AXIN2: variants seen among roughly 807,000 people sequenced by gnomAD.
The protein encoded by AXIN2 is axin 2, also known as axin-2.
A neutral mutation model predicts 74.7 loss-of-function variants in AXIN2; 21 were observed. The ratio of observed to expected loss-of-function variants is 0.28; its 90% CI spans 0.20 to 0.40. AXIN2 has a LOEUF of 0.40. Ranked by LOEUF, AXIN2 falls within the 10% of genes least tolerant of loss-of-function variation. The probability of loss-of-function intolerance (pLI) is 1.00; values close to 1 mark genes in which losing one functional copy is unlikely to be tolerated. For missense variants in AXIN2, 1,144 were observed against 1,111.1 expected (o/e 1.03, Z -0.42); for synonymous variants, 532 against 454.9 (o/e 1.17, Z -2.16).
At position 65,558,207 on chromosome 17, in the gene AXIN2, G is replaced by A. The variant is rs878854730; in HGVS notation, c.414C>T (p.Tyr138=). ...LRVAKAIYKR[Y]IENNSIVSKQ... ...TGGAGACAATGCTGTTGTTCTCAAT[G>A]TACCTTTTGTAGATCGCTTTGGCTA... The change falls in exon 2 of 11, where the codon TAC becomes TAT. Residue 138 remains tyrosine (Y), a synonymous_variant. Transcript: ENST00000307078. 17 of 1,614,122 alleles carry A rather than the reference G, an allele frequency of 1.1e-5. No homozygotes were observed. Among genetic ancestry groups the A allele is most frequent in the Non-Finnish European group, 1.4e-5 (17 of 1,180,032 alleles).
At chr17:65,561,208 G>T (rs1202678344) in intron 1 of AXIN2, 7 of 148,940 alleles carry the variant, frequency 4.7e-5, no homozygotes, top group Middle Eastern at 3.2e-3. Context: ...CTTCAAAGGC[G>T]CGAGCCGAGC....
intron 4 of AXIN2, among the ~76,000 whole-genome samples, 160 bp downstream of exon 4, chr17:65,541,295 G>C (rs1436925942): frequency 1.3e-5 from 2 of 152,128 alleles, no homozygotes; most frequent in Admixed American, 1.3e-4. Flanking sequence ...ACCATGTAAT[G>C]CCTATTGTCC....
chr17:65,554,736 G>A (rs2044242532), intron 2 of AXIN2, among the ~76,000 whole-genome samples: 1 of 152,236 alleles, frequency 6.6e-6, no homozygotes, highest in Non-Finnish European at 1.5e-5. Context: ...GGCCAGAGCA[G>A]AGGGCCCAAT....
chr17:65,558,688 G>A lies in AXIN2; in HGVS notation c.-68C>T. 1 of 1,494,378 alleles carries A rather than the reference G, an allele frequency of 6.7e-7. No individual in the cohort carries two copies. Among genetic ancestry groups the A allele is most frequent in the Non-Finnish European group, 9.1e-7 (1 of 1,104,170 alleles). 92.6% of individuals were successfully genotyped at this position (1,494,378 alleles called of 1,614,324 possible). On this transcript the variant is annotated 5_prime_UTR_variant, in exon 2 of 11. Transcript: ENST00000307078. ...TCCAGTTCCTCTCAGCAATCGGCGT[G>A]GTCTCTCTGTCTCTCTCAAGTCAGC... is the stretch of plus-strand genomic sequence containing the variant.
At chr17:65,538,520 T>C (rs1367340151) in intron 4 of AXIN2, among the ~76,000 whole-genome samples, 177 bp from the exon 5 acceptor site, 2 of 151,800 alleles carry the variant, frequency 1.3e-5, no homozygotes, top group Admixed American at 6.6e-5. Flanking sequence ...CATGGCCTCA[T>C]GGAGAGCCAT....
In AXIN2 at chr17:65,529,949, C is replaced by G. The variant is rs762596261; in HGVS notation, c.*27G>C. On this transcript the variant is annotated 3_prime_UTR_variant, in exon 11 of 11. Coordinates refer to ENST00000307078, the MANE Select transcript of AXIN2 (RefSeq NM_004655.4). The stretch of plus-strand genomic sequence containing the variant: ...AGTTCACAAGAGCTTCGGGCTCCAA[C>G]AGTTCACCAAAGCCAGACCCCAGGG... The G allele has an allele frequency of 1.2e-6, 2 of 1,614,070 alleles. No homozygotes were observed. The highest frequency in any genetic ancestry group is 1.7e-5 in the Admixed American group (1 of 60,026).
At chr17:65,542,862 C>T (rs1484262289) in intron 3 of AXIN2, among the ~76,000 whole-genome samples, 1 of 152,156 alleles carries the variant, frequency 6.6e-6, no homozygotes, top group East Asian at 1.9e-4. Flanking sequence ...TCCCCAATGT[C>T]TGGTTCATCA....
At chr17:65,555,796 A>G (rs1437948994) in intron 2 of AXIN2, among the ~76,000 whole-genome samples, 3 of 152,108 alleles carry the variant, frequency 2.0e-5, no homozygotes, top group East Asian at 3.9e-4. Flanking sequence ...ACACACTCGA[A>G]TATCTTGCAC....
chr17:65,535,502 G>C (rs1232980377), intron 9 of AXIN2, 124 bp downstream of exon 9: 3 of 887,608 alleles, frequency 3.4e-6, no homozygotes, highest in East Asian at 2.6e-5. Context: ...CTCATCACTA[G>C]CGCTAAAATC....
intron 4 of AXIN2, among the ~76,000 whole-genome samples, chr17:65,540,042 G>A (rs549736179): frequency 1.3e-5 from 2 of 152,306 alleles, no homozygotes; most frequent in East Asian, 1.9e-4. Flanking sequence ...CGTTCATTCC[G>A]CATTTGATAG....
intron 3 of AXIN2, among the ~76,000 whole-genome samples, chr17:65,543,259 G>A (rs1338957894): frequency 6.6e-6 from 1 of 152,198 alleles, no homozygotes; most frequent in Non-Finnish European, 1.5e-5. Context: ...GCAGCTGGCT[G>A]ACCAGTGCTG....
intron 1 of AXIN2, chr17:65,560,377 G>A (rs893332190): frequency 1.3e-5 from 2 of 151,978 alleles, no homozygotes; most frequent in South Asian, 2.1e-4. Context: ...GGGGAAAAGG[G>A]GAGGGGGAAG....
Position 65,538,365 on chromosome 17 carries a change from G to T in AXIN2, c.1060-22C>A, listed in dbSNP as rs745366441. On this transcript the variant is annotated intron_variant, in intron 4 of 10. Transcript: ENST00000307078. ...TTCTCTACAGGACGTGGAAAGGAAA[G>T]GGAGGAGGCACGTTCAGCAGGCTAG... is the stretch of plus-strand genomic sequence containing the variant. The T allele has an allele frequency of 8.1e-6, 13 of 1,613,762 alleles. No homozygotes were observed. The South Asian group carries it at 1.1e-4, about 14-fold the overall frequency.
Position 65,558,455 on chromosome 17 carries a change from T to C in AXIN2, c.166A>G (p.Arg56Gly), listed in dbSNP as rs1431601772. ...TCCCCCAACCCATCTTCGTTCCGCCTGGTGTTGGAAGAGACAGGCATGGGT... is the reference window on the plus strand; with the variant it reads ...TCCCCCAACCCATCTTCGTTCCGCCCGGTGTTGGAAGAGACAGGCATGGGT... ...TKPMPVSSNT[R>G]RNEDGLGEPE... Residue 56 changes from arginine (R) to glycine (G), a missense_variant, in exon 2 of 11, where the codon AGG (arginine) becomes GGG (glycine). Arg to Gly is a moderately radical substitution (Grantham distance 125, BLOSUM62 -2). This residue lies in a region of AXIN2 where 1,053 missense variants were observed against 973.5 expected (regional missense o/e 1.08). Transcript: ENST00000307078. The C allele has an allele frequency of 6.2e-7, 1 of 1,601,160 alleles. No homozygotes were observed. The highest frequency in any genetic ancestry group is 1.3e-5 in the African/African-American group (1 of 74,620).
At chr17:65,531,521 G>A (rs778502973) in intron 10 of AXIN2, among the ~76,000 whole-genome samples, 8 of 151,930 alleles carry the variant, frequency 5.3e-5, no homozygotes, top group Non-Finnish European at 1.2e-4. Flanking sequence ...CCACATAAGA[G>A]GCTCAAATCC....
chr17:65,537,115 G>C (rs1431668476), intron 6 of AXIN2, 52 bp from the exon 7 acceptor site: 1 of 1,577,994 alleles, frequency 6.3e-7, no homozygotes, highest in East Asian at 2.3e-5. Context: ...TAAATCTCCG[G>C]GACTCCTAGA....
intron 5 of AXIN2, 125 bp from the exon 6 acceptor site, chr17:65,537,960 C>T: frequency 7.2e-7 from 1 of 1,396,848 alleles, no homozygotes; most frequent in South Asian, 1.4e-5. Context: ...ACAGCCACGC[C>T]CATGCGCACA....
chr17:65,535,561 A>G, intron 9 of AXIN2, 65 bp downstream of exon 9: 10 of 1,495,926 alleles, frequency 6.7e-6, no homozygotes, highest in Non-Finnish European at 9.3e-6. Flanking sequence ...GAAACTCCAG[A>G]TAGCGAATAT....
chr17:65,537,165 A>C (rs2043940377), intron 6 of AXIN2, 102 bp from the exon 7 acceptor site: 1 of 1,541,288 alleles, frequency 6.5e-7, no homozygotes. Context: ...GTGACACGAA[A>C]GACCCATGCA....
Sources: gnomAD v4.1 joint callset for allele counts (sites outside exome capture counted in the v4.1 genomes callset) on GRCh38, gnomAD v4.1.1 for gene constraint, gnomAD v4.1.1 regional missense constraint, MANE v1.5 for transcripts, NCBI Gene and HGNC (gene_info 2026-07-23, HGNC 2026-07-21) for gene names.